The following GRIN2B variants were observed in gnomAD, a reference collection of about 807,000 sequenced individuals.
The protein encoded by GRIN2B is glutamate receptor ionotropic, NMDA 2B.
Under a neutral mutation model 114.5 loss-of-function variants are expected in GRIN2B, and 5 were observed. The observed-to-expected ratio is 0.04, with a 90% CI of 0.02 to 0.09. The LOEUF is 0.09. GRIN2B is among the 10% of genes least tolerant of loss of function. GRIN2B has a pLI of 1.00. For synonymous variants in GRIN2B, 787 were observed against 745.1 expected (o/e 1.06, Z -0.92); for missense variants, 1,108 against 1,943.5 (o/e 0.57, Z 8.08).
At chr12:13,691,637 TGAAGAAATA>T in intron 4 of GRIN2B, among the ~76,000 whole-genome samples, 1 of 152,120 alleles carries the variant, frequency 6.6e-6, no homozygotes, top group African/African-American at 2.4e-5. Context: ...CAAAATAGCT[TGAAGAAATA>T]CAGTGTTTGA....
chr12:13,675,615 G>A, intron 5 of GRIN2B, 130 bp downstream of exon 5: 3 of 723,632 alleles, frequency 4.1e-6, no homozygotes, highest in Admixed American at 3.9e-5. Context: ...CTTCTCCTGT[G>A]TATCAAGGTA....
chr12:13,547,981 A>ATATATATATATATATATATATATATT lies in GRIN2B; in HGVS notation c.*14801_*14802insAATATATATATATATATATATATATA. The ATATATATATATATATATATATATATT allele has an allele frequency of 1.5e-5, 1 of 68,594 alleles. No individual in the cohort carries two copies. The highest frequency in any genetic ancestry group is 4.6e-5 in the African/African-American group (1 of 21,782). The allele number at this position is 68,594 out of a possible 1,614,324, so 4.2% of individuals were successfully genotyped here. ...TGTGTATATATATATATATATATAT[A>ATATATATATATATATATATATATATT]TTTTTTTTTTTTTTCTGAAAGCTAC... On this transcript the variant is annotated 3_prime_UTR_variant, in exon 14 of 14. Transcript: ENST00000609686.
At chr12:13,639,828 CT>C (rs1260161683) in intron 5 of GRIN2B, among the ~76,000 whole-genome samples, 2 of 151,928 alleles carry the variant, frequency 1.3e-5, no homozygotes, top group Non-Finnish European at 2.9e-5. Flanking sequence ...TACTCATTTT[CT>C]TTTTCATCTT....
chr12:13,944,667 G>A (rs1430319833), intron 2 of GRIN2B, among the ~76,000 whole-genome samples: 1 of 152,178 alleles, frequency 6.6e-6, no homozygotes, highest in African/African-American at 2.4e-5. Context: ...CATCAGAAAA[G>A]TGCAACAACT....
At chr12:13,888,179 G>A (rs999859807) in intron 2 of GRIN2B, among the ~76,000 whole-genome samples, 3 of 152,070 alleles carry the variant, frequency 2.0e-5, no homozygotes, top group Non-Finnish European at 4.4e-5. Flanking sequence ...TTAACAACGG[G>A]GACACGCCCT....
Position 13,866,235 on chromosome 12 carries a change from A to G in GRIN2B, c.-18-9T>C, listed in dbSNP as rs1167323786. The stretch of plus-strand genomic sequence containing the variant: ...TTCAACTCGTCGACTCCCTGCAAAC[A>G]CAAAGAAAGAGCATGTTAAAATAGG... On this transcript the variant is annotated splice_polypyrimidine_tract_variant and intron_variant, in intron 2 of 13. Transcript: ENST00000609686. 3 of 1,600,516 alleles carry G rather than the reference A, an allele frequency of 1.9e-6. 1 individual carries two copies. Among genetic ancestry groups the G allele is most frequent in the Middle Eastern group, 1.7e-4 (1 of 6,058 alleles).
intron 3 of GRIN2B, among the ~76,000 whole-genome samples, chr12:13,824,593 G>A (rs1259138826): frequency 2.0e-5 from 3 of 151,996 alleles, no homozygotes; most frequent in African/African-American, 2.4e-5. Flanking sequence ...GGTGGCTCAC[G>A]CCTGTAATCC....
intron 4 of GRIN2B, among the ~76,000 whole-genome samples, chr12:13,684,274 A>G (rs1488371299): frequency 6.6e-6 from 1 of 152,172 alleles, no homozygotes; most frequent in African/African-American, 2.4e-5. Context: ...CTGACCTCCC[A>G]GATCCCTGCT....
intron 10 of GRIN2B, among the ~76,000 whole-genome samples, chr12:13,577,332 GCAGCAGGGAATCAGAATT>G (rs1182539569): frequency 6.6e-6 from 1 of 152,222 alleles, no homozygotes; most frequent in African/African-American, 2.4e-5. Flanking sequence ...CTCCTGGAGA[GCAGCAGGGAATCAGAATT>G]CAGCCCTCTG....
chr12:13,566,298 T>G (rs1264640613), intron 13 of GRIN2B, among the ~76,000 whole-genome samples: 2 of 152,218 alleles, frequency 1.3e-5, no homozygotes, highest in Admixed American at 1.3e-4. Context: ...TAAAAGGACA[T>G]TTGAGTTCAC....
At chr12:13,963,975 C>G (rs192268987) in intron 2 of GRIN2B, among the ~76,000 whole-genome samples, 1 of 152,090 alleles carries the variant, frequency 6.6e-6, no homozygotes, top group Non-Finnish European at 1.5e-5. Context: ...GAGAACCTTA[C>G]GAGAAATTTT....
intron 3 of GRIN2B, among the ~76,000 whole-genome samples, chr12:13,784,432 CT>C (rs1864186520): frequency 1.3e-5 from 2 of 152,060 alleles, no homozygotes; most frequent in East Asian, 3.9e-4. Context: ...ACAATTTGAG[CT>C]GTCCCCAGGT....
intron 2 of GRIN2B, among the ~76,000 whole-genome samples, chr12:13,948,377 T>C (rs219920): frequency 0.4 from 60,275 of 152,082 alleles, 12,198 homozygotes; most frequent in East Asian, 0.53. Flanking sequence ...GGACTAAAGA[T>C]GCTGAGATGT....
chr12:13,728,269 G>A (rs1174976597), intron 4 of GRIN2B, among the ~76,000 whole-genome samples: 1 of 152,092 alleles, frequency 6.6e-6, no homozygotes, highest in Non-Finnish European at 1.5e-5. Context: ...TGGTTGGGTA[G>A]GACTAACTTT....
intron 5 of GRIN2B, among the ~76,000 whole-genome samples, chr12:13,641,024 C>T (rs1949709614): frequency 1.3e-5 from 2 of 151,900 alleles, no homozygotes; most frequent in Admixed American, 1.3e-4. Flanking sequence ...TTCCAGAAAA[C>T]ATAGAACTCT....
chr12:13,765,447 C>G (rs1269157244), intron 3 of GRIN2B, among the ~76,000 whole-genome samples: 3 of 152,212 alleles, frequency 2.0e-5, no homozygotes, highest in Admixed American at 6.5e-5. Context: ...AGATTAAGCT[C>G]TTTGGGTCTC....
chr12:13,574,149 G>A (rs919299216), intron 10 of GRIN2B, among the ~76,000 whole-genome samples: 2 of 152,172 alleles, frequency 1.3e-5, no homozygotes, highest in Non-Finnish European at 2.9e-5. Context: ...TCACACAGTG[G>A]CATTGATAGC....
intron 2 of GRIN2B, among the ~76,000 whole-genome samples, chr12:13,946,808 T>G (rs1258358632): frequency 1.3e-5 from 2 of 152,180 alleles, no homozygotes; most frequent in African/African-American, 2.4e-5. Flanking sequence ...TATATAAAAA[T>G]GTATTATTAG....
rs981509113 is a variant in GRIN2B at position 13,553,148 on chromosome 12, GAC to G, written c.*9633_*9634del. 1 of 152,234 alleles carries G rather than the reference GAC, an allele frequency of 6.6e-6. No individual in the cohort carries two copies. Among genetic ancestry groups the G allele is most frequent in the African/African-American group, 2.4e-5 (1 of 41,456 alleles). The allele number at this position is 152,234 out of a possible 1,614,324, so 9.4% of individuals were successfully genotyped here. On this transcript the variant is annotated 3_prime_UTR_variant, in exon 14 of 14. Transcript: ENST00000609686. ...GAGTTTCTTCAGAGGGACAGAGACTGACACTGGCTAGAAAGAATGATTGATAG... is the reference window on the plus strand; with the variant it reads ...GAGTTTCTTCAGAGGGACAGAGACTGACTGGCTAGAAAGAATGATTGATAG...
Sources: gnomAD v4.1 joint callset for allele counts (sites outside exome capture counted in the v4.1 genomes callset) on GRCh38, gnomAD v4.1.1 for gene constraint, MANE v1.5 for transcripts, NCBI Gene and HGNC (gene_info 2026-07-23, HGNC 2026-07-21) for gene names.